Variants in VCL observed in about 807,000 individuals in gnomAD.
VCL encodes the protein epididymis luminal protein 114.
VCL carries 47 observed loss-of-function variants against 125.7 expected under a neutral mutation model. That is an observed-to-expected ratio of 0.37 (90% confidence interval 0.30 to 0.48). The LOEUF (loss-of-function observed/expected upper bound fraction) is 0.48. Ranked by LOEUF, VCL falls within the 20% of genes least tolerant of loss-of-function variation. VCL has a pLI of 0.99. For synonymous variants in VCL, 458 were observed against 514.6 expected (o/e 0.89, Z 1.49); for missense variants, 1,069 against 1,455.5 (o/e 0.73, Z 4.32).
At chr10:74,063,859 A>T (rs550677114) in intron 2 of VCL, 50 of 152,306 alleles carry the variant, frequency 3.3e-4, no homozygotes, top group African/African-American at 1.1e-3. Flanking sequence ...CGCTTCTGAT[A>T]CCAGATGTAT....
chr10:74,062,272 C>T (rs1023716351), intron 2 of VCL, among the ~76,000 whole-genome samples: 1 of 151,632 alleles, frequency 6.6e-6, no homozygotes, highest in Non-Finnish European at 1.5e-5. Flanking sequence ...GCCATGCTGC[C>T]CAGGCTGGTC....
intron 13 of VCL, 151 bp from the exon 14 acceptor site, chr10:74,100,797 G>T: frequency 1.1e-6 from 1 of 913,298 alleles, no homozygotes; most frequent in South Asian, 1.5e-5. Flanking sequence ...CCAGGATTTG[G>T]AGTTTGACTG....
At chr10:74,068,852 G>C (rs1279166558) in intron 2 of VCL, among the ~76,000 whole-genome samples, 1 of 151,938 alleles carries the variant, frequency 6.6e-6, no homozygotes, top group East Asian at 1.9e-4. Flanking sequence ...GATAGTGAAG[G>C]GAAAGAGATT....
At chr10:74,084,379 C>T (rs1839733915) in intron 8 of VCL, among the ~76,000 whole-genome samples, 1 of 151,954 alleles carries the variant, frequency 6.6e-6, no homozygotes, top group East Asian at 1.9e-4. Context: ...GCAACCCCTG[C>T]CTCCCAGGCT....
intron 1 of VCL, among the ~76,000 whole-genome samples, chr10:74,022,215 G>A (rs1415334501): frequency 6.6e-6 from 1 of 152,112 alleles, no homozygotes; most frequent in Non-Finnish European, 1.5e-5. Flanking sequence ...GAAAAAAACA[G>A]AAGATGAATA....
intron 13 of VCL, among the ~76,000 whole-genome samples, chr10:74,098,708 A>T (rs1322931061): frequency 6.6e-6 from 1 of 150,726 alleles, no homozygotes; most frequent in African/African-American, 2.4e-5. Context: ...TAGAACTGGT[A>T]GGTGGAGGTT....
intron 1 of VCL, among the ~76,000 whole-genome samples, chr10:74,025,311 T>C (rs7069584): frequency 0.67 from 101,222 of 151,904 alleles, 34,502 homozygotes; most frequent in African/African-American, 0.76. Context: ...CCATGGTGCC[T>C]GGCCCCACTC....
intron 1 of VCL, chr10:74,016,709 T>C (rs1184681269): frequency 6.6e-6 from 1 of 152,206 alleles, no homozygotes. Context: ...ATTTTAACCA[T>C]TTTTAAGTGT....
At chr10:74,042,013 C>T (rs1841102639) in intron 1 of VCL, among the ~76,000 whole-genome samples, 1 of 152,200 alleles carries the variant, frequency 6.6e-6, no homozygotes, top group East Asian at 1.9e-4. Flanking sequence ...ATAGGAAACG[C>T]AGATACAAAT....
At chr10:74,003,751 G>A (rs934432108) in intron 1 of VCL, among the ~76,000 whole-genome samples, 1 of 151,986 alleles carries the variant, frequency 6.6e-6, no homozygotes, top group African/African-American at 2.4e-5. Context: ...AGATGGAGTC[G>A]CTCTGTCGCC....
At chr10:74,009,230 C>CT (rs1840376269) in intron 1 of VCL, among the ~76,000 whole-genome samples, 1 of 112,706 alleles carries the variant, frequency 8.9e-6, no homozygotes, top group African/African-American at 4.8e-5. Context: ...CCCCCCCCCC[C>CT]GAGCCATTTT....
At chr10:74,084,803 G>C (rs1369981940) in intron 8 of VCL, among the ~76,000 whole-genome samples, 1 of 149,754 alleles carries the variant, frequency 6.7e-6, no homozygotes, top group Non-Finnish European at 1.5e-5. Context: ...GTAGAGACGG[G>C]GTTTCTCCAT....
rs563528543 is a variant in VCL at position 74,013,248 on chromosome 10, T to C, written c.168+14873T>C. Among the ~76,000 whole-genome samples, 3 of 152,270 alleles carry C rather than the reference T, an allele frequency of 2.0e-5. No individual in the cohort carries two copies. The South Asian group carries it at 6.2e-4, about 32-fold the overall frequency. Reference sequence around the variant, plus strand: ...GAAATTTAACTGCCAATTAGGAAAGTAGCTGTAAATAATTGCTTAACACAG... The same window carrying C: ...GAAATTTAACTGCCAATTAGGAAAGCAGCTGTAAATAATTGCTTAACACAG... On this transcript the variant is annotated intron_variant, in intron 1 of 21. Transcript: ENST00000211998.
chr10:74,052,536 C>T (rs1016562106), intron 2 of VCL, among the ~76,000 whole-genome samples: 4 of 151,926 alleles, frequency 2.6e-5, no homozygotes, highest in African/African-American at 9.7e-5. Flanking sequence ...ACCACTACTC[C>T]CAGCTGATTT....
chr10:74,120,296 GGAA>G (rs1371402389), downstream of VCL: 3 of 152,286 alleles, frequency 2.0e-5, no homozygotes, highest in East Asian at 5.8e-4. Context: ...ATGTTGCACT[GGAA>G]GAAGAAATCA....
chr10:74,104,033 C>T (rs532671015), intron 15 of VCL, 105 bp downstream of exon 15: 95 of 1,141,264 alleles, frequency 8.3e-5, no homozygotes, highest in African/African-American at 1.5e-4. Context: ...GATAAAGGGC[C>T]GGTCACGTGC....
At chr10:74,059,626 C>T (rs973719253) in intron 2 of VCL, among the ~76,000 whole-genome samples, 4 of 152,022 alleles carry the variant, frequency 2.6e-5, no homozygotes, top group African/African-American at 7.2e-5. Flanking sequence ...AGATTGGTCT[C>T]GAATTCCTGA....
At position 74,089,239 on chromosome 10, in the gene VCL, G is replaced by T; in HGVS notation, c.1066G>T (p.Val356Leu). Reference sequence around the variant, plus strand: ...GGTGGCCATGCAGAAAGCTCAGCAGGTATCTCAGGGTCTGGATGTGCTCAC... The same window carrying T: ...GGTGGCCATGCAGAAAGCTCAGCAGTTATCTCAGGGTCTGGATGTGCTCAC... ...SPVAMQKAQQ[V>L]SQGLDVLTAK... is the part of the protein sequence containing the mutation. Residue 356 changes from valine to leucine, a missense_variant, in exon 9 of 22, where the codon GTA becomes TTA. By Grantham distance (32) the Val-to-Leu change is conservative. Around this residue, in one of 6 missense-constraint regions of VCL, gnomAD observed 760 missense variants for 928.9 expected, o/e 0.82. Transcript: ENST00000211998. The T allele has an allele frequency of 6.2e-7, 1 of 1,614,132 alleles. No homozygotes were observed. The highest frequency in any genetic ancestry group is 1.7e-5 in the Admixed American group (1 of 60,004).
At chr10:74,092,967 A>G (rs1186920437) in intron 10 of VCL, among the ~76,000 whole-genome samples, 2 of 152,172 alleles carry the variant, frequency 1.3e-5, no homozygotes, top group Non-Finnish European at 2.9e-5. Context: ...AGTTATGGCA[A>G]GGACTGGGGA....
Sources: allele counts gnomAD v4.1 joint callset (sites outside exome capture counted in the v4.1 genomes callset), GRCh38; gene constraint gnomAD v4.1.1; regional missense constraint gnomAD v4.1.1; transcripts MANE v1.5; gene names NCBI Gene and HGNC (gene_info 2026-07-23, HGNC 2026-07-21).